CFAP95: variants seen among roughly 807,000 people sequenced by gnomAD.
CFAP95 encodes cilia and flagella associated protein 95, also known as cilia- and flagella-associated protein 95.
the CFAP95 span, among the ~76,000 whole-genome samples, chr9:69,876,846 G>A: frequency 6.6e-6 from 1 of 152,060 alleles, no homozygotes; most frequent in Non-Finnish European, 1.5e-5. Context: ...TGTTGGCCAG[G>A]CTGGTCTCAA....
the CFAP95 span, among the ~76,000 whole-genome samples, chr9:69,844,199 T>C: frequency 1.3e-5 from 2 of 152,170 alleles, no homozygotes; most frequent in African/African-American, 2.4e-5. Flanking sequence ...ATGTCTTATT[T>C]TAGAACTTAC....
chr9:69,890,199 A>G, the CFAP95 span, among the ~76,000 whole-genome samples: 1 of 152,218 alleles, frequency 6.6e-6, no homozygotes, highest in Non-Finnish European at 1.5e-5. Context: ...ACTAAATATT[A>G]TAAATATAAA....
At chr9:69,849,598 A>G in the CFAP95 span, among the ~76,000 whole-genome samples, 1 of 152,156 alleles carries the variant, frequency 6.6e-6, no homozygotes, top group Non-Finnish European at 1.5e-5. Context: ...GAACATCAGG[A>G]TGCTGTGAGG....
chr9:69,893,193 G>T, the CFAP95 span, among the ~76,000 whole-genome samples: 2 of 152,134 alleles, frequency 1.3e-5, no homozygotes, highest in Non-Finnish European at 2.9e-5. Flanking sequence ...GCTCCTGCTG[G>T]TCACCCAGAA....
At chr9:69,886,859 A>C in the CFAP95 span, 7,664 of 1,613,336 alleles carry the variant, frequency 4.8e-3, 34 homozygotes, top group Non-Finnish European at 5.5e-3. Flanking sequence ...CAACGTACTC[A>C]GAAGATTATG....
chr9:69,842,005 C>T, the CFAP95 span, among the ~76,000 whole-genome samples: 2 of 152,166 alleles, frequency 1.3e-5, no homozygotes, highest in African/African-American at 4.8e-5. Context: ...CCCCATCACC[C>T]CCTATTCCCA....
At chr9:69,894,098 G>A in the CFAP95 span, among the ~76,000 whole-genome samples, 1 of 152,094 alleles carries the variant, frequency 6.6e-6, no homozygotes, top group African/African-American at 2.4e-5. Context: ...AGGATATGGT[G>A]GCCTTTCTAA....
chr9:69,880,729 C>A, the CFAP95 span, among the ~76,000 whole-genome samples: 2 of 152,174 alleles, frequency 1.3e-5, no homozygotes, highest in Non-Finnish European at 2.9e-5. Context: ...TTTTGAGGAA[C>A]CTCCAAACTG....
chr9:69,866,165 A>G, the CFAP95 span, among the ~76,000 whole-genome samples: 57 of 152,236 alleles, frequency 3.7e-4, no homozygotes, highest in Non-Finnish European at 7.2e-4. Context: ...GGAGAGAATA[A>G]TGGCTATATT....
chr9:69,863,140 T>C, the CFAP95 span, among the ~76,000 whole-genome samples: 6 of 152,222 alleles, frequency 3.9e-5, no homozygotes, highest in African/African-American at 7.2e-5. Flanking sequence ...ACCAAAGCTA[T>C]TGTTTTCCTT....
At chr9:69,833,708 G>T in the CFAP95 span, among the ~76,000 whole-genome samples, 1 of 152,110 alleles carries the variant, frequency 6.6e-6, no homozygotes, top group Non-Finnish European at 1.5e-5. Context: ...ATAATCTGGG[G>T]ATGATAACTT....
the CFAP95 span, among the ~76,000 whole-genome samples, chr9:69,845,831 C>T: frequency 6.6e-6 from 1 of 152,196 alleles, no homozygotes; most frequent in African/African-American, 2.4e-5. Context: ...CCTCTTGCTC[C>T]ATAGCCCAGA....
chr9:69,880,482 A>G, the CFAP95 span, among the ~76,000 whole-genome samples: 1 of 152,214 alleles, frequency 6.6e-6, no homozygotes, highest in African/African-American at 2.4e-5. Context: ...GTTGCAAAAG[A>G]CAGAATCTCA....
chr9:69,858,208 T>G, the CFAP95 span: 1 of 507,810 alleles, frequency 2.0e-6, no homozygotes, highest in African/African-American at 1.9e-5. Flanking sequence ...TTTGTAAATT[T>G]TTCTTCTCTG....
the CFAP95 span, among the ~76,000 whole-genome samples, chr9:69,850,980 C>A: frequency 6.6e-6 from 1 of 152,206 alleles, no homozygotes; most frequent in African/African-American, 2.4e-5. Flanking sequence ...CAAATATCTT[C>A]TCTGTCATTT....
the CFAP95 span, among the ~76,000 whole-genome samples, chr9:69,861,439 T>C: frequency 1.3e-5 from 2 of 152,174 alleles, no homozygotes; most frequent in East Asian, 3.8e-4. Context: ...GTATGAATAC[T>C]GCATTATGTA....
chr9:69,861,015 C>G, the CFAP95 span, among the ~76,000 whole-genome samples: 6 of 152,046 alleles, frequency 3.9e-5, no homozygotes, highest in Admixed American at 2.6e-4. Context: ...TGATAAAAAG[C>G]GTAGTACAGT....
At chr9:69,826,866 A>G in the CFAP95 span, among the ~76,000 whole-genome samples, 1 of 152,188 alleles carries the variant, frequency 6.6e-6, no homozygotes, top group Non-Finnish European at 1.5e-5. Flanking sequence ...GAAACCCAAA[A>G]GGTACTGCAG....
At chr9:69,877,232 A>T in the CFAP95 span, among the ~76,000 whole-genome samples, 1 of 152,134 alleles carries the variant, frequency 6.6e-6, no homozygotes, top group Non-Finnish European at 1.5e-5. Context: ...CATACACCAA[A>T]TTCCTATATT....
Sources: allele counts gnomAD v4.1 joint callset (sites outside exome capture counted in the v4.1 genomes callset), GRCh38; gene constraint gnomAD v4.1.1; transcripts MANE v1.5; gene names NCBI Gene and HGNC (gene_info 2026-07-23, HGNC 2026-07-21).